The following DUOX2 variants were observed in gnomAD, a reference collection of about 807,000 sequenced individuals.
DUOX2 encodes dual oxidase 2, also known as NADH/NADPH thyroid oxidase p138-tox.
DUOX2 carries 185 observed loss-of-function variants against 183.3 expected under a neutral mutation model. The observed-to-expected ratio is 1.01, with a 90% confidence interval of 0.90 to 1.14. The LOEUF is 1.14. Ranked by LOEUF, DUOX2 falls within the 50% of genes most tolerant of loss-of-function variation. The pLI, the probability that DUOX2 is intolerant of heterozygous loss-of-function variation, is 0.00. For missense variants in DUOX2, 1,999 were observed against 2,022.9 expected, an observed-to-expected ratio of 0.99 and a Z score of 0.23; for synonymous variants, 788 against 812.4, an observed-to-expected ratio of 0.97 and a Z score of 0.51.
rs575859848 is a variant in DUOX2, at chr15:45,104,636, G to A, written c.2335-271C>T. Among the ~76,000 whole-genome samples, 124 of 152,284 alleles carry A rather than the reference G, an allele frequency of 8.1e-4. 2 individuals carry two copies. The highest frequency in any genetic ancestry group is 3.0e-3 in the Admixed American group (46 of 15,288). On this transcript the variant is annotated intron_variant, in intron 18 of 33. Coordinates refer to ENST00000389039, the MANE Select transcript of DUOX2 (RefSeq NM_001363711.2). ...TGCTGGGGTAGGGAAGGGGAAGGGC[G>A]AAGTTAAGGGGAATGGAAAGTGAGA...
Position 45,107,442 on chromosome 15 carries a change from A to C in DUOX2, c.1596T>G (p.Ile532Met), listed in dbSNP as rs371671846. 7 of 1,614,052 alleles carry C rather than the reference A, an allele frequency of 4.3e-6. No homozygotes were observed. Among genetic ancestry groups the C allele is most frequent in the African/African-American group, 1.3e-5 (1 of 74,932 alleles). Residue 532 changes from isoleucine to methionine, a missense_variant, in exon 14 of 34, where the codon ATT becomes ATG. By Grantham distance (10) the Ile-to-Met change is conservative (BLOSUM62 1). Transcript: ENST00000389039. ...GCAGGGTGGTATTTCGGATGTCTTC[A>C]ATCTCCTTCTTGGAGAACAGCCTAA... Reference protein sequence around the residue: ...TRNGLFSKKEIEDIRNTTLRD... With the variant: ...TRNGLFSKKEMEDIRNTTLRD...
At chr15:45,109,126 G>A (rs557507538) in intron 11 of DUOX2, 174 bp from the exon 12 acceptor site, 2 of 822,980 alleles carry the variant, frequency 2.4e-6, no homozygotes, top group Admixed American at 2.1e-5. Context: ...ATGTCACCAT[G>A]GGTGATCAGA....
chr15:45,104,451 C>T, intron 18 of DUOX2, 86 bp from the exon 19 acceptor site: 1 of 1,524,924 alleles, frequency 6.6e-7, no homozygotes, highest in Non-Finnish European at 8.9e-7. Context: ...CATATCTCCC[C>T]AAAGTCCAAA....
intron 21 of DUOX2, 30 bp from the exon 22 acceptor site, chr15:45,101,304 C>A (rs1008911749): frequency 6.2e-7 from 1 of 1,600,170 alleles, no homozygotes; most frequent in Non-Finnish European, 8.5e-7. Context: ...GCAGGACTGG[C>A]TTCCCCACAA....
intron 26 of DUOX2, chr15:45,099,163 A>T (rs1223086639): frequency 2.3e-6 from 1 of 434,472 alleles, no homozygotes; most frequent in East Asian, 4.9e-5. Context: ...GGCGCCCACC[A>T]CCACGCCCGG....
intron 7 of DUOX2, 136 bp downstream of exon 7, chr15:45,110,975 C>A (rs1462149542): frequency 2.8e-6 from 4 of 1,420,576 alleles, no homozygotes; most frequent in Non-Finnish European, 3.9e-6. Context: ...TTTACAGGGG[C>A]TTCCCTAGAC....
chr15:45,106,751 C>CA (rs1894226338), intron 15 of DUOX2, 81 bp downstream of exon 15: 1 of 1,605,716 alleles, frequency 6.2e-7, no homozygotes, highest in African/African-American at 1.3e-5. Context: ...TGGTCTCAAA[C>CA]GGTACCAAAT....
At chr15:45,111,629 C>A in intron 5 of DUOX2, 44 bp from the exon 6 acceptor site, 1 of 1,493,156 alleles carries the variant, frequency 6.7e-7, no homozygotes, top group Non-Finnish European at 8.8e-7. Context: ...GAGGCGGCGG[C>A]GGGCCAGGGA....
chr15:45,097,697 C>T lies in DUOX2; in HGVS notation c.3610G>A (p.Val1204Ile). Residue 1204 changes from valine to isoleucine, a missense_variant, in exon 28 of 34, where the codon GTC becomes ATC. Physicochemically the swap from Val to Ile is conservative, Grantham distance 29 (BLOSUM62 3). Transcript: ENST00000389039. ...CGGCGGAAGTGGTGGGAGGCGAAGA[C>T]ATACATGATGGCCAGGACCAGGAGC... is the stretch of plus-strand genomic sequence containing the variant. ...LLLLVLAIMY[V>I]FASHHFRRRS... is the part of the protein sequence containing the mutation. 1 of 1,614,230 alleles carries T rather than the reference C, an allele frequency of 6.2e-7. No homozygotes were observed. Among genetic ancestry groups the T allele is most frequent in the South Asian group, 1.1e-5 (1 of 91,088 alleles).
intron 27 of DUOX2, 23 bp downstream of exon 27, chr15:45,097,985 AC>A (rs757009915): frequency 1.2e-6 from 2 of 1,612,832 alleles, no homozygotes; most frequent in East Asian, 2.2e-5. Flanking sequence ...CTCAGACAGA[AC>A]CCCCAGGTCC....
intron 4 of DUOX2, 100 bp from the exon 5 acceptor site, chr15:45,112,055 G>C: frequency 6.9e-7 from 1 of 1,443,490 alleles, no homozygotes; most frequent in South Asian, 1.2e-5. Flanking sequence ...AAAGACAGAG[G>C]TCCCAGTGCC....
Position 45,113,984 on chromosome 15 carries a change from G to A in DUOX2, c.-26C>T, listed in dbSNP as rs1481760444. 1.1e-5 allele frequency: 2 copies of A among 189,734 alleles called. No individual in the cohort carries two copies. The highest frequency in any genetic ancestry group is 2.5e-4 in the East Asian group (2 of 7,972). 11.8% of individuals were successfully genotyped at this position (189,734 alleles called of 1,614,324 possible). A position where few individuals can be genotyped will look rare whatever the true frequency, so the allele number is the denominator to read the frequency against. Reference sequence around the variant, plus strand: ...AACTCTGGTCTAACCTGTGGTTTAGGGTGGTGTTGGGTTCAGATGTCTTCT... The same window carrying A: ...AACTCTGGTCTAACCTGTGGTTTAGAGTGGTGTTGGGTTCAGATGTCTTCT... On this transcript the variant is annotated 5_prime_UTR_variant, in exon 1 of 34. Coordinates refer to ENST00000389039, the MANE Select transcript of DUOX2 (RefSeq NM_001363711.2).
Position 45,094,225 on chromosome 15 carries a change from C to G in DUOX2, c.4572G>C (p.Lys1524Asn). The G allele has an allele frequency of 6.2e-7, 1 of 1,614,126 alleles. No homozygotes were observed. The highest frequency in any genetic ancestry group is 8.5e-7 in the Non-Finnish European group (1 of 1,180,030). The change falls in exon 34 of 34, where the codon AAG (lysine) becomes AAC (asparagine). Residue 1524 changes from lysine to asparagine, a missense_variant. Around this residue, in one of 3 missense-constraint regions of DUOX2, gnomAD observed 1,628 missense variants for 1,608.6 expected, o/e 1.01. Transcript: ENST00000389039. ...VFSCGPPGMT[K>N]NVEKACQLVN... ...CGAGCTGACAGGCCTTCTCTACATT[C>G]TTGGTCATTCCTGGAGGGCCGCAGC... is the stretch of plus-strand genomic sequence containing the variant.
chr15:45,105,388 A>G (rs1258805113), intron 18 of DUOX2, among the ~76,000 whole-genome samples: 1 of 152,222 alleles, frequency 6.6e-6, no homozygotes, highest in Non-Finnish European at 1.5e-5. Context: ...CCGAATCCTC[A>G]CAACAATGCA....
At chr15:45,095,682 A>T in intron 30 of DUOX2, 87 bp from the exon 31 acceptor site, 4 of 1,594,812 alleles carry the variant, frequency 2.5e-6, no homozygotes, top group Non-Finnish European at 3.4e-6. Context: ...GGGAGGATAC[A>T]GAACATCCTA....
Position 45,094,076 on chromosome 15 carries a change from C to A in DUOX2, c.*74G>T, listed in dbSNP as rs780809175. The A allele has an allele frequency of 1.4e-4, 230 of 1,609,652 alleles. 1 individual carries two copies. The Middle Eastern group carries it at 2.1e-3, about 15-fold the overall frequency. On this transcript the variant is annotated 3_prime_UTR_variant, in exon 34 of 34. Transcript: ENST00000389039. ...AAGGTGGATTCTGATGGAGAGATTG[C>A]CAGCAGGGCTGGGCAACTTAGGTGC...
chr15:45,109,929 G>C lies in DUOX2; in HGVS notation c.1092C>G (p.Ser364=). 1 of 1,614,136 alleles carries C rather than the reference G, an allele frequency of 6.2e-7. No individual in the cohort carries two copies. The highest frequency in any genetic ancestry group is 8.5e-7 in the Non-Finnish European group (1 of 1,180,034). Residue 364 remains serine (S), a synonymous_variant, in exon 10 of 34, where the codon TCC becomes TCG. Coordinates refer to ENST00000389039, the MANE Select transcript of DUOX2 (RefSeq NM_001363711.2). ...AGTTGTTGCAGACCCTGAGAGCTTG[G>C]GAGCTTTGAAAACCCTTGTTCAGGA... is the stretch of plus-strand genomic sequence containing the variant. ...RKVLNKGFQS[S]QALRVCNNYW...
chr15:45,113,686 C>A (rs1894518683), intron 1 of DUOX2, among the ~76,000 whole-genome samples: 1 of 152,176 alleles, frequency 6.6e-6, no homozygotes, highest in Admixed American at 6.5e-5. Flanking sequence ...CCATAGGAAC[C>A]CACTGGGCAG....
Position 45,111,979 on chromosome 15 carries a change from G to C in DUOX2, c.326-24C>G, listed in dbSNP as rs773945080. 17 of 1,611,362 alleles carry C rather than the reference G, an allele frequency of 1.1e-5. No individual in the cohort carries two copies. The African/African-American group carries it at 2.0e-4, about 19-fold the overall frequency. On this transcript the variant is annotated intron_variant, in intron 4 of 33. Transcript: ENST00000389039. ...GCCTGCGGGCATGGGGCGCCAATAC[G>C]TGACAAACCGTCCGTATTGCGCCCT...
Sources: gnomAD v4.1 joint callset for allele counts (sites outside exome capture counted in the v4.1 genomes callset) on GRCh38, gnomAD v4.1.1 for gene constraint, gnomAD v4.1.1 regional missense constraint, MANE v1.5 for transcripts, NCBI Gene and HGNC (gene_info 2026-07-23, HGNC 2026-07-21) for gene names.